MYO1F: variants seen among roughly 807,000 people sequenced by gnomAD.
The protein encoded by MYO1F is unconventional myosin-If.
MYO1F carries 60 observed loss-of-function variants against 146.6 expected under a neutral mutation model. The ratio of observed to expected loss-of-function variants is 0.41; its 90% CI spans 0.33 to 0.51. MYO1F has a LOEUF of 0.51. MYO1F is among the 20% of genes least tolerant of loss of function. The pLI, the probability that MYO1F is intolerant of heterozygous loss-of-function variation, is 0.25. For missense variants in MYO1F, 1,274 were observed against 1,534.3 expected, an observed-to-expected ratio of 0.83 and a Z score of 2.83; for synonymous variants, 602 against 602.1, an observed-to-expected ratio of 1.00 and a Z score of 0.00.
intron 14 of MYO1F, among the ~76,000 whole-genome samples, chr19:8,542,831 C>T (rs1973040381): frequency 6.6e-6 from 1 of 151,426 alleles, no homozygotes; most frequent in Admixed American, 6.6e-5. Flanking sequence ...TCTCGATCTC[C>T]TGACCTTGTG....
intron 1 of MYO1F, among the ~76,000 whole-genome samples, chr19:8,558,947 C>T (rs1026178611): frequency 1.3e-5 from 2 of 152,008 alleles, no homozygotes; most frequent in African/African-American, 4.8e-5. Flanking sequence ...GGTGAGACCA[C>T]GGCTCACTGC....
chr19:8,548,358 C>A, intron 10 of MYO1F, 41 bp from the exon 11 acceptor site: 1 of 1,587,984 alleles, frequency 6.3e-7, no homozygotes, highest in South Asian at 1.1e-5. Flanking sequence ...GGGCATCGGT[C>A]AGATCTGAAG....
rs189909397 is a variant in MYO1F at position 8,551,341 on chromosome 19, C to T, written c.771+399G>A. The T allele has an allele frequency of 5.9e-3, 1,441 of 245,368 alleles. 31 individuals are homozygous for T. The highest frequency in any genetic ancestry group is 0.036 in the African/African-American group (1,212 of 33,456). 15.2% of individuals were successfully genotyped at this position (245,368 alleles called of 1,614,324 possible). A position where few individuals can be genotyped will look rare whatever the true frequency, so the allele number is the denominator to read the frequency against. The stretch of plus-strand genomic sequence containing the variant: ...TGCTGGGATTACAGGTGTGAGCCAC[C>T]GTGCCTGGCCTTTTTTTTTTTTTTT... On this transcript the variant is annotated intron_variant, in intron 8 of 27. Transcript: ENST00000644032.
rs1364266402 is a variant in MYO1F, at chr19:8,522,509, G to T, written c.3088C>A (p.Pro1030Thr). 6.2e-7 allele frequency: 1 copy of T among 1,613,472 alleles called. No individual in the cohort carries two copies. Among genetic ancestry groups the T allele is most frequent in the East Asian group, 2.2e-5 (1 of 44,850 alleles). The part of the protein sequence containing the change: ...RKRSVGQRPV[P>T]GVGRPKPQPR... ...TGGGGCTTGGGTCGGCCCACACCAG[G>T]CACTGGCCGTTGCCCCACGCTGCGC... is the stretch of plus-strand genomic sequence containing the variant. Residue 1030 changes from proline (P) to threonine (T), a missense_variant, in exon 27 of 28, where the codon CCT (proline) becomes ACT (threonine). Physicochemically the swap from Pro to Thr is conservative, Grantham distance 38. Around this residue, in one of 2 missense-constraint regions of MYO1F, gnomAD observed 374 missense variants for 379.2 expected, o/e 0.99. Transcript: ENST00000644032.
In MYO1F at chr19:8,521,529, C is replaced by T; in HGVS notation, c.3296G>A (p.Ter1099=). 2.5e-6 allele frequency: 4 copies of T among 1,614,092 alleles called. No homozygotes were observed. Among genetic ancestry groups the T allele is most frequent in the Non-Finnish European group, 3.4e-6 (4 of 1,179,996 alleles). The change falls in exon 28 of 28, where the codon TGA becomes TAA. Residue 1099 remains the stop codon, a stop_retained_variant. Coordinates refer to ENST00000644032, the MANE Select transcript of MYO1F (RefSeq NM_012335.4). ...GAAGGCAGTATCCCAGGGCCCAGCTCAGATCTTCTCCACGTAGTTTCCTGG... is the reference window on the plus strand; with the variant it reads ...GAAGGCAGTATCCCAGGGCCCAGCTTAGATCTTCTCCACGTAGTTTCCTGG... The part of the protein sequence containing the change: ...LFPGNYVEKI[*]
intron 24 of MYO1F, 151 bp downstream of exon 24, chr19:8,526,302 G>A (rs1972262545): frequency 1.1e-5 from 14 of 1,248,950 alleles, no homozygotes; most frequent in Admixed American, 2.0e-5. Flanking sequence ...ACTCCAGCCT[G>A]GGCGACAGAG....
chr19:8,530,129 A>G lies in MYO1F; in HGVS notation c.2328+67T>C, dbSNP rs1599920709. 1 of 1,602,232 alleles carries G rather than the reference A, an allele frequency of 6.2e-7. No individual in the cohort carries two copies. Among genetic ancestry groups the G allele is most frequent in the Middle Eastern group, 1.7e-4 (1 of 6,024 alleles). ...GGGATATCTGGCTGTGGGCAGGTGCATCTGGGCCAGGTGAGGGTGCCAGGC... is the reference window on the plus strand; with the variant it reads ...GGGATATCTGGCTGTGGGCAGGTGCGTCTGGGCCAGGTGAGGGTGCCAGGC... On this transcript the variant is annotated intron_variant, in intron 21 of 27. Transcript: ENST00000644032. This position sits in a 1 kb window ranked among gnomAD's most constrained non-coding sequence, Gnocchi z 5.8.
Position 8,539,944 on chromosome 19 carries a change from CA to C in MYO1F, c.1692+2del. On this transcript the variant is annotated splice_donor_variant, in intron 16 of 27. Coordinates refer to ENST00000644032, the MANE Select transcript of MYO1F (RefSeq NM_012335.4). LOFTEE classifies it high-confidence loss of function. ...AGCTCCCCGTTGTACACCCCAGGCC[CA>C]CCTTGATCTTGGAGCCGGCGGTGCT... 6.2e-7 allele frequency: 1 copy of C among 1,612,702 alleles called. No homozygotes were observed. The highest frequency in any genetic ancestry group is 8.5e-7 in the Non-Finnish European group (1 of 1,179,332).
At chr19:8,548,640 G>A (rs574793306) in intron 10 of MYO1F, among the ~76,000 whole-genome samples, 135 of 143,264 alleles carry the variant, frequency 9.4e-4, no homozygotes, top group African/African-American at 3.5e-3. Flanking sequence ...TCACTCTGTC[G>A]CCCAGGCTGG....
chr19:8,550,659 G>A lies in MYO1F; in HGVS notation c.807C>T (p.Ile269=). ...AMQVIGIPPS[I]QQLVLQLVAG... The stretch of plus-strand genomic sequence containing the variant: ...CCACGAGCTGCAGGACCAGCTGCTG[G>A]ATGCTGGGCGGGATCCCAATAACCT... The change falls in exon 9 of 28, where the codon ATC becomes ATT. Residue 269 remains isoleucine, a synonymous_variant. Coordinates refer to ENST00000644032, the MANE Select transcript of MYO1F (RefSeq NM_012335.4). 6.2e-7 allele frequency: 1 copy of A among 1,614,160 alleles called. No individual in the cohort carries two copies. The highest frequency in any genetic ancestry group is 8.5e-7 in the Non-Finnish European group (1 of 1,180,036).
In MYO1F at chr19:8,536,972, C is replaced by T. The variant is rs376248073; in HGVS notation, c.1776G>A (p.Arg592=). ...IRCIKPNETK[R]PRDWEENRVK... Reference sequence around the variant, plus strand: ...ACCTGTTCTCCTCCCAGTCTCGGGGCCTCTTGGTCTCGTTGGGTTTGATGC... The same window carrying T: ...ACCTGTTCTCCTCCCAGTCTCGGGGTCTCTTGGTCTCGTTGGGTTTGATGC... Residue 592 remains arginine, a synonymous_variant, in exon 17 of 28, where the codon AGG becomes AGA. Transcript: ENST00000644032. 8.5e-5 allele frequency: 137 copies of T among 1,613,146 alleles called. 1 individual carries two copies. In the African/African-American group the frequency reaches 1.8e-3, roughly 21 times the overall value.
Position 8,530,721 on chromosome 19 carries a change from C to T in MYO1F, c.2044-148G>A. ...AATTTTTTTAAGAGGCGGGGTCTTTCTAGTGACACTCGTTCATAAAGAAAA... is the reference window on the plus strand; with the variant it reads ...AATTTTTTTAAGAGGCGGGGTCTTTTTAGTGACACTCGTTCATAAAGAAAA... On this transcript the variant is annotated intron_variant, in intron 19 of 27. Coordinates refer to ENST00000644032, the MANE Select transcript of MYO1F (RefSeq NM_012335.4). This position sits in a 1 kb window ranked among gnomAD's most constrained non-coding sequence, Gnocchi z 5.8. 2 of 672,394 alleles carry T rather than the reference C, an allele frequency of 3.0e-6. No homozygotes were observed. The highest frequency in any genetic ancestry group is 3.3e-5 in the South Asian group (2 of 60,916). 41.7% of individuals were successfully genotyped at this position (672,394 alleles called of 1,614,324 possible). A position where few individuals can be genotyped will look rare whatever the true frequency, so the allele number is the denominator to read the frequency against.
chr19:8,544,541 A>C, intron 13 of MYO1F, 77 bp from the exon 14 acceptor site: 2 of 902,134 alleles, frequency 2.2e-6, no homozygotes, highest in South Asian at 1.6e-5. Context: ...TGCAGAGATT[A>C]GGGGAGGGAG....
At chr19:8,546,977 CCTCT>C (rs374031772) in intron 12 of MYO1F, among the ~76,000 whole-genome samples, 1 of 151,220 alleles carries the variant, frequency 6.6e-6, no homozygotes, top group African/African-American at 2.4e-5. Context: ...CTGCACCCAG[CCTCT>C]CTCTCTCTCT....
intron 23 of MYO1F, 59 bp from the exon 24 acceptor site, chr19:8,526,660 C>T: frequency 6.4e-7 from 1 of 1,556,686 alleles, no homozygotes; most frequent in Non-Finnish European, 8.7e-7. Context: ...CCACCCAACT[C>T]TCGCTGGTTG....
chr19:8,531,788 C>T (rs1330591889), intron 19 of MYO1F, among the ~76,000 whole-genome samples: 1 of 152,132 alleles, frequency 6.6e-6, no homozygotes. Flanking sequence ...AAATAGGAAC[C>T]AGTGTGCATC....
At chr19:8,555,342 C>A in intron 2 of MYO1F, 1 of 307,386 alleles carries the variant, frequency 3.3e-6, no homozygotes, top group South Asian at 3.0e-5. Context: ...TACACTCCAG[C>A]CTGGAACCTG....
intron 4 of MYO1F, among the ~76,000 whole-genome samples, chr19:8,554,081 C>CTT (rs1973741455): frequency 6.6e-6 from 1 of 152,102 alleles, no homozygotes; most frequent in South Asian, 2.1e-4. Flanking sequence ...TCCTCAGCCT[C>CTT]TTGAGTAGCT....
At chr19:8,527,513 C>G in intron 21 of MYO1F, 30 bp from the exon 22 acceptor site, 1 of 1,611,216 alleles carries the variant, frequency 6.2e-7, no homozygotes, top group Non-Finnish European at 8.5e-7. Context: ...GAGGCTGATG[C>G]CTGTAGCCTG....
Sources: gnomAD v4.1 joint callset for allele counts (sites outside exome capture counted in the v4.1 genomes callset) on GRCh38, gnomAD v4.1.1 for gene constraint, gnomAD v4.1.1 regional missense constraint, Gnocchi (gnomAD v3.1) non-coding constraint, MANE v1.5 for transcripts, NCBI Gene and HGNC (gene_info 2026-07-23, HGNC 2026-07-21) for gene names.